RASGRP3: variants seen among roughly 807,000 people sequenced by gnomAD.
The protein encoded by RASGRP3 is RAS guanyl releasing protein 3.
In RASGRP3, 54 loss-of-function variants were observed where a neutral mutation model predicts 82.7. The ratio of observed to expected loss-of-function variants is 0.65; its 90% CI spans 0.52 to 0.82. The LOEUF is 0.82. RASGRP3 is among the 40% of genes least tolerant of loss of function. RASGRP3 has a pLI of 0.00. For synonymous variants in RASGRP3, 309 were observed against 300.5 expected, an observed-to-expected ratio of 1.03 and a Z score of -0.29; for missense variants, 861 against 828.9, an observed-to-expected ratio of 1.04 and a Z score of -0.48.
upstream of RASGRP3, among the ~76,000 whole-genome samples, chr2:33,473,344 C>A (rs369851167): frequency 1.3e-5 from 2 of 151,872 alleles, no homozygotes; most frequent in African/African-American, 2.4e-5. Flanking sequence ...GATCGCGCCA[C>A]CACACTCCAG....
chr2:33,548,720 T>A (rs937489192), intron 13 of RASGRP3, among the ~76,000 whole-genome samples: 21 of 138,464 alleles, frequency 1.5e-4, no homozygotes, highest in East Asian at 7.8e-4. Context: ...TATTATTATT[T>A]TTTGAGACAA....
At chr2:33,560,122 AG>A (rs1353905155) in intron 17 of RASGRP3, among the ~76,000 whole-genome samples, 1 of 152,242 alleles carries the variant, frequency 6.6e-6, no homozygotes, top group Non-Finnish European at 1.5e-5. Flanking sequence ...GTATACTTTC[AG>A]TATGCTTTTA....
At chr2:33,535,120 G>A (rs1317993027) in intron 11 of RASGRP3, among the ~76,000 whole-genome samples, 4 of 152,090 alleles carry the variant, frequency 2.6e-5, no homozygotes, top group Admixed American at 6.6e-5. Flanking sequence ...TAAACATCTC[G>A]ATCATAATTT....
At chr2:33,470,733 C>T (rs539501196) in intron 2 of RASGRP3, among the ~76,000 whole-genome samples, 4 of 152,156 alleles carry the variant, frequency 2.6e-5, no homozygotes, top group South Asian at 2.1e-4. Context: ...TGGAAAATTT[C>T]ATATATTTCT....
In RASGRP3 at chr2:33,543,610, T is replaced by G; in HGVS notation, c.1377T>G (p.Cys459Trp). ...AANFPFLDSF[C>W]VLDKDQDGLI... Reference sequence around the variant, plus strand: ...ATTTTCCCTTCTTGGATTCCTTCTGTGTTCTGGACAAAGATCAGTAAGTTT... The same window carrying G: ...ATTTTCCCTTCTTGGATTCCTTCTGGGTTCTGGACAAAGATCAGTAAGTTT... The change falls in exon 13 of 18, where the codon TGT (cysteine) becomes TGG (tryptophan). Residue 459 changes from cysteine (C) to tryptophan (W), a missense_variant. Transcript: ENST00000403687. 2.5e-6 allele frequency: 4 copies of G among 1,598,880 alleles called. No homozygotes were observed. Among genetic ancestry groups the G allele is most frequent in the Non-Finnish European group, 3.4e-6 (4 of 1,167,062 alleles).
chr2:33,515,176 G>A lies in RASGRP3; in HGVS notation c.40G>A (p.Glu14Lys). 1 of 1,613,956 alleles carries A rather than the reference G, an allele frequency of 6.2e-7. No homozygotes were observed. Among genetic ancestry groups the A allele is most frequent in the Non-Finnish European group, 8.5e-7 (1 of 1,179,872 alleles). ...SGLGKAATLDELLCTCIEMFD... is the reference protein window; with the variant it reads ...SGLGKAATLDKLLCTCIEMFD... ...CCTTGGGAAAGCAGCAACATTAGAT[G>A]AACTGCTGTGCACTTGCATTGAGAT... is the stretch of plus-strand genomic sequence containing the variant. The change falls in exon 3 of 18, where the codon GAA (glutamate) becomes AAA (lysine). Residue 14 changes from glutamate (E) to lysine (K), a missense_variant. Physicochemically the swap from Glu to Lys is moderately conservative, Grantham distance 56 (BLOSUM62 1). Transcript: ENST00000403687.
At chr2:33,535,368 G>A (rs139298124) in intron 11 of RASGRP3, among the ~76,000 whole-genome samples, 1 of 152,352 alleles carries the variant, frequency 6.6e-6, no homozygotes, top group East Asian at 1.9e-4. Flanking sequence ...GTTGAGGCTT[G>A]CATGTTGAAG....
chr2:33,561,101 C>G (rs1574515512), intron 17 of RASGRP3, among the ~76,000 whole-genome samples: 1 of 151,318 alleles, frequency 6.6e-6, no homozygotes, highest in East Asian at 1.9e-4. Flanking sequence ...GAGTCTCACT[C>G]TGTCACCCAG....
chr2:33,524,141 G>C (rs1026272116), intron 8 of RASGRP3, 89 bp downstream of exon 8: 1 of 1,432,748 alleles, frequency 7.0e-7, no homozygotes, highest in African/African-American at 1.4e-5. Flanking sequence ...GGCGTTCACA[G>C]TATAAGGGCA....
In RASGRP3 at chr2:33,495,790, A is replaced by G. The variant is rs867579990; in HGVS notation, c.-260-15920A>G. Among the ~76,000 whole-genome samples the G allele has an allele frequency of 2.9e-4, 44 of 152,158 alleles. 1 individual carries two copies. Among genetic ancestry groups the G allele is most frequent in the African/African-American group, 9.2e-4 (38 of 41,442 alleles). Reference sequence around the variant, plus strand: ...AAGTGATAGTTCACTTTCCTCTTAAATCTACTGAAAGAGAAAAGGCACATA... The same window carrying G: ...AAGTGATAGTTCACTTTCCTCTTAAGTCTACTGAAAGAGAAAAGGCACATA... On this transcript the variant is annotated intron_variant, in intron 1 of 17. Transcript: ENST00000403687.
rs928246722 is a variant in RASGRP3, at chr2:33,470,849, T to A, written c.-261+22906T>A. ...TAATTATTTAGAAGCAAATTTTAGT[T>A]TGTTCTATTGAGAAAATGAATATTA... On this transcript the variant is annotated intron_variant, in intron 2 of 18. Coordinates refer to the RASGRP3 transcript ENST00000402538. 4.5e-4 allele frequency among the ~76,000 whole-genome samples: 69 copies of A among 152,304 alleles called. 1 individual carries two copies. Among genetic ancestry groups the A allele is most frequent in the African/African-American group, 1.4e-3 (58 of 41,578 alleles).
chr2:33,460,774 C>G (rs528713813), intron 2 of RASGRP3, among the ~76,000 whole-genome samples: 3 of 152,142 alleles, frequency 2.0e-5, no homozygotes, highest in African/African-American at 7.2e-5. Flanking sequence ...CTCAGCCTCC[C>G]CAAGTGCTAG....
intron 14 of RASGRP3, among the ~76,000 whole-genome samples, chr2:33,551,994 AAAACAAAC>A (rs201569860): frequency 5.6e-4 from 75 of 134,178 alleles, no homozygotes; most frequent in East Asian, 1.6e-3. Context: ...CTCCATCTCA[AAAACAAAC>A]AAACAAACAA....
chr2:33,494,253 G>T (rs997700462), intron 1 of RASGRP3, among the ~76,000 whole-genome samples: 3 of 152,182 alleles, frequency 2.0e-5, no homozygotes, highest in Non-Finnish European at 4.4e-5. Flanking sequence ...TCTCTGAGTA[G>T]ACTAAAAACA....
At chr2:33,544,809 A>C (rs561454212) in intron 13 of RASGRP3, among the ~76,000 whole-genome samples, 6 of 152,194 alleles carry the variant, frequency 3.9e-5, no homozygotes, top group African/African-American at 1.4e-4. Flanking sequence ...AGCCTGGGCA[A>C]CATAGTGGGA....
At chr2:33,479,506 G>A (rs371582942) in intron 1 of RASGRP3, among the ~76,000 whole-genome samples, 11 of 152,132 alleles carry the variant, frequency 7.2e-5, no homozygotes, top group Admixed American at 2.6e-4. Context: ...TTGGTTGTCC[G>A]AGTAGGTTGT....
chr2:33,546,499 G>C (rs577627861), intron 13 of RASGRP3, among the ~76,000 whole-genome samples: 1 of 151,940 alleles, frequency 6.6e-6, no homozygotes, highest in African/African-American at 2.4e-5. Context: ...CTTATACACT[G>C]TTGGGAGTAT....
intron 14 of RASGRP3, among the ~76,000 whole-genome samples, chr2:33,554,522 G>T (rs1675717197): frequency 6.6e-6 from 1 of 151,848 alleles, no homozygotes; most frequent in African/African-American, 2.4e-5. Flanking sequence ...GCCCAGGCTG[G>T]AGTGCAGTGG....
At chr2:33,525,947 TG>T (rs1329524185) in intron 9 of RASGRP3, among the ~76,000 whole-genome samples, 6 of 152,202 alleles carry the variant, frequency 3.9e-5, no homozygotes, top group Non-Finnish European at 8.8e-5. Context: ...CGGAGAGTTT[TG>T]TTTTTTTGTT....
Sources: gnomAD v4.1 joint callset for allele counts (sites outside exome capture counted in the v4.1 genomes callset) on GRCh38, gnomAD v4.1.1 for gene constraint, MANE v1.5 for transcripts, NCBI Gene and HGNC (gene_info 2026-07-23, HGNC 2026-07-21) for gene names.